Variants in SCUBE1 observed in about 807,000 individuals in gnomAD.
The protein encoded by SCUBE1 is signal peptide, CUB and EGF-like domain-containing protein 1.
SCUBE1 carries 59 observed loss-of-function variants against 124.4 expected under a neutral mutation model. That is an observed-to-expected ratio of 0.47 (90% CI 0.38 to 0.59). The LOEUF is 0.59. Among genes scored for constraint, SCUBE1 ranks in the 20% least tolerant of loss-of-function variants. The probability of loss-of-function intolerance (pLI) is 0.00; values close to 1 mark genes in which losing one functional copy is unlikely to be tolerated. For missense variants in SCUBE1, 1,150 were observed against 1,371.2 expected, an observed-to-expected ratio of 0.84 and a Z score of 2.55; for synonymous variants, 545 against 550.9, an observed-to-expected ratio of 0.99 and a Z score of 0.15.
intron 3 of SCUBE1, among the ~76,000 whole-genome samples, chr22:43,310,296 T>A (rs1028217316): frequency 6.6e-6 from 1 of 152,050 alleles, no homozygotes; most frequent in African/African-American, 2.4e-5. Flanking sequence ...TGGGGCTTCC[T>A]CCCCTTACCC....
Position 43,218,373 on chromosome 22 carries a change from C to T in SCUBE1, c.1773G>A (p.Arg591=). ...AIKTLRKSIG[R]QQFYVQVSGT... ...CTGAGACCTGGACATAGAACTGCTG[C>T]CGGCCGATGGACTTGCGCAGGGTCT... Residue 591 remains arginine, a synonymous_variant, in exon 15 of 22, where the codon CGG becomes CGA. Coordinates refer to ENST00000360835, the MANE Select transcript of SCUBE1 (RefSeq NM_173050.5). 6.2e-7 allele frequency: 1 copy of T among 1,613,464 alleles called. No homozygotes were observed. Among genetic ancestry groups the T allele is most frequent in the South Asian group, 1.1e-5 (1 of 91,090 alleles).
intron 5 of SCUBE1, among the ~76,000 whole-genome samples, chr22:43,260,260 T>C (rs867059190): frequency 6.6e-6 from 1 of 152,232 alleles, no homozygotes; most frequent in African/African-American, 2.4e-5. Flanking sequence ...GGGACCCTTG[T>C]TCCCTCCACA....
Position 43,238,523 on chromosome 22 carries a change from C to G in SCUBE1, c.844+315G>C, listed in dbSNP as rs1922861779. 4 of 588,492 alleles carry G rather than the reference C, an allele frequency of 6.8e-6. No homozygotes were observed. In the South Asian group the frequency reaches 8.4e-5, roughly 12 times the overall value. 36.5% of individuals were successfully genotyped at this position (588,492 alleles called of 1,614,324 possible). A position where few individuals can be genotyped will look rare whatever the true frequency, so the allele number is the denominator to read the frequency against. ...ATCACTGAGGGCCCAGGAAGTCCCACAGTAGAGACGCTGGCTTAACTGTTT... is the reference window on the plus strand; with the variant it reads ...ATCACTGAGGGCCCAGGAAGTCCCAGAGTAGAGACGCTGGCTTAACTGTTT... On this transcript the variant is annotated intron_variant, in intron 7 of 21. Transcript: ENST00000360835.
At chr22:43,240,675 G>C (rs1328423453) in intron 6 of SCUBE1, among the ~76,000 whole-genome samples, 1 of 152,220 alleles carries the variant, frequency 6.6e-6, no homozygotes, top group Non-Finnish European at 1.5e-5. Context: ...GCGGAGGTGA[G>C]GGTCAAATCA....
At chr22:43,254,182 C>G (rs990367342) in intron 6 of SCUBE1, among the ~76,000 whole-genome samples, 5 of 152,248 alleles carry the variant, frequency 3.3e-5, no homozygotes, top group Non-Finnish European at 5.9e-5. Flanking sequence ...CCCTGTCTGC[C>G]TGTGTGACCA....
intron 15 of SCUBE1, among the ~76,000 whole-genome samples, chr22:43,215,706 C>T (rs1921779109): frequency 6.6e-6 from 1 of 152,068 alleles, no homozygotes; most frequent in African/African-American, 2.4e-5. Flanking sequence ...GAGTTTGGGA[C>T]AAGGGCAGGA....
chr22:43,227,293 C>G, intron 10 of SCUBE1, 81 bp downstream of exon 10: 1 of 1,493,608 alleles, frequency 6.7e-7, no homozygotes, highest in South Asian at 1.2e-5. Flanking sequence ...TCCTGCTCAC[C>G]CCCACCTCAG....
chr22:43,225,371 G>T (rs942516732), intron 10 of SCUBE1, among the ~76,000 whole-genome samples: 1 of 152,050 alleles, frequency 6.6e-6, no homozygotes, highest in African/African-American at 2.4e-5. Context: ...AAGAATTCAG[G>T]ATATCGCTGG....
intron 21 of SCUBE1, among the ~76,000 whole-genome samples, chr22:43,206,830 T>A (rs1180608685): frequency 2.0e-5 from 3 of 152,022 alleles, no homozygotes; most frequent in Non-Finnish European, 2.9e-5. Flanking sequence ...CCAGGACGCA[T>A]CCCTGGTTTC....
chr22:43,212,435 G>A lies in SCUBE1; in HGVS notation c.2211C>T (p.Cys737=), dbSNP rs903127294. 1.4e-5 allele frequency: 21 copies of A among 1,551,192 alleles called. No individual in the cohort carries two copies. The highest frequency in any genetic ancestry group is 9.8e-5 in the Admixed American group (5 of 51,094). ...KHEGTTSFQD[C]EAKVHCSPGH... is the part of the protein sequence containing the mutation. Reference sequence around the variant, plus strand: ...GGAGGGCATGCTCACCTTTAGCCTCGCAGTCCTGGAAGGAGGTGGTGCCTT... The same window carrying A: ...GGAGGGCATGCTCACCTTTAGCCTCACAGTCCTGGAAGGAGGTGGTGCCTT... The change falls in exon 17 of 22, where the codon TGC becomes TGT. Residue 737 remains cysteine, a synonymous_variant. Transcript: ENST00000360835.
chr22:43,268,772 C>T (rs9623798), intron 4 of SCUBE1, among the ~76,000 whole-genome samples: 103 of 152,306 alleles, frequency 6.8e-4, no homozygotes, highest in African/African-American at 2.4e-3. Flanking sequence ...TGTGGGACTT[C>T]GTACTGGCCA....
chr22:43,235,787 T>C (rs1358599899), intron 7 of SCUBE1, among the ~76,000 whole-genome samples: 1 of 152,156 alleles, frequency 6.6e-6, no homozygotes, highest in African/African-American at 2.4e-5. Flanking sequence ...TCCTGCATCC[T>C]TATTCTTGAG....
Position 43,340,748 on chromosome 22 carries a change from C to A in SCUBE1, c.89-1513G>T, listed in dbSNP as rs4822281. On this transcript the variant is annotated intron_variant, in intron 1 of 21. Coordinates refer to ENST00000360835, the MANE Select transcript of SCUBE1 (RefSeq NM_173050.5). ...GCCATGTGACTTCTAGCTAGCAATGCATGAAATGTAGACATGACAGACAGA... is the reference window on the plus strand; with the variant it reads ...GCCATGTGACTTCTAGCTAGCAATGAATGAAATGTAGACATGACAGACAGA... Among the ~76,000 whole-genome samples, 867 of 152,270 alleles carry A rather than the reference C, an allele frequency of 5.7e-3. 18 individuals are homozygous for A. The highest frequency in any genetic ancestry group is 0.042 in the Admixed American group (638 of 15,298).
rs765375031 is a variant in SCUBE1 at position 43,214,109 on chromosome 22, G to T, written c.2034C>A (p.Arg678=). 22 of 1,587,382 alleles carry T rather than the reference G, an allele frequency of 1.4e-5. No homozygotes were observed. The highest frequency in any genetic ancestry group is 1.8e-5 in the Non-Finnish European group (21 of 1,171,248). ...SSDGLGLPGA[R]NVSECGGQCS... is the part of the protein sequence containing the mutation. ...ACTTGCCTCCACATTCCGACACGTT[G>T]CGGGCACCAGGCAGACCAAGCCCGT... The change falls in exon 16 of 22, where the codon CGC becomes CGA. Residue 678 remains arginine, a synonymous_variant. Transcript: ENST00000360835.
intron 16 of SCUBE1, 43 bp downstream of exon 16, chr22:43,214,047 G>GGGGGGGGC: frequency 7.0e-6 from 1 of 143,440 alleles, no homozygotes; most frequent in East Asian, 2.8e-4. Context: ...AGGAGCCCCC[G>GGGGGGGGC]CCCACCCCCC....
At chr22:43,242,186 C>T (rs2146689526) in intron 6 of SCUBE1, among the ~76,000 whole-genome samples, 1 of 152,316 alleles carries the variant, frequency 6.6e-6, no homozygotes, top group East Asian at 1.9e-4. Context: ...TGGGGCCGAG[C>T]ACCGCGTCCC....
chr22:43,274,661 G>A (rs1041067281), intron 4 of SCUBE1, among the ~76,000 whole-genome samples: 4 of 152,240 alleles, frequency 2.6e-5, no homozygotes, highest in Non-Finnish European at 4.4e-5. Context: ...ACAGTGGTAA[G>A]AGCACTGTGG....
intron 2 of SCUBE1, among the ~76,000 whole-genome samples, chr22:43,324,162 C>T (rs980683872): frequency 3.3e-5 from 5 of 152,112 alleles, no homozygotes; most frequent in African/African-American, 9.7e-5. Context: ...GTTGTCAGGG[C>T]GTAATTATTA....
chr22:43,219,751 A>G (rs1305639125), intron 14 of SCUBE1, among the ~76,000 whole-genome samples: 1 of 152,020 alleles, frequency 6.6e-6, no homozygotes, highest in Non-Finnish European at 1.5e-5. Flanking sequence ...CTGGGATTAC[A>G]GGCGTGAGCC....
Sources: gnomAD v4.1 joint callset for allele counts (sites outside exome capture counted in the v4.1 genomes callset) on GRCh38, gnomAD v4.1.1 for gene constraint, MANE v1.5 for transcripts, NCBI Gene and HGNC (gene_info 2026-07-23, HGNC 2026-07-21) for gene names.